The following CDH7 variants were observed in gnomAD, a reference collection of about 807,000 sequenced individuals.
CDH7 encodes the protein cadherin 7, also known as cadherin-7.
A neutral mutation model predicts 71.8 loss-of-function variants in CDH7; 25 were observed. The ratio of observed to expected loss-of-function variants is 0.35; its 90% confidence interval spans 0.25 to 0.49. The LOEUF is 0.49. CDH7 is among the 20% of genes least tolerant of loss of function. The pLI, the probability that CDH7 is intolerant of heterozygous loss-of-function variation, is 0.99. For missense variants in CDH7, 862 were observed against 974.6 expected, an observed-to-expected ratio of 0.88 and a Z score of 1.54; for synonymous variants, 381 against 363.8, an observed-to-expected ratio of 1.05 and a Z score of -0.54.
intron 6 of CDH7, among the ~76,000 whole-genome samples, chr18:65,828,241 AGAGTTGACTAAAAAT>A (rs1311323156): frequency 1.3e-5 from 2 of 152,084 alleles, no homozygotes; most frequent in African/African-American, 2.4e-5. Flanking sequence ...AATTTATGTA[AGAGTTGACTAAAAAT>A]AGTGGAAATG....
At chr18:65,774,337 A>C (rs1916635197) in intron 2 of CDH7, among the ~76,000 whole-genome samples, 1 of 152,094 alleles carries the variant, frequency 6.6e-6, no homozygotes, top group African/African-American at 2.4e-5. Flanking sequence ...TTTTATGCCA[A>C]AATGTCTCTC....
Position 65,883,650 on chromosome 18 carries a change from G to C in CDH7, c.*2756G>C, listed in dbSNP as rs1914294156. 1 of 151,996 alleles carries C rather than the reference G, an allele frequency of 6.6e-6. No homozygotes were observed. Among genetic ancestry groups the C allele is most frequent in the Non-Finnish European group, 1.5e-5 (1 of 67,958 alleles). The allele number at this position is 151,996 out of a possible 1,614,324, so 9.4% of individuals were successfully genotyped here. ...GGTAGGTTGATGTCAGCCTTGGTGG[G>C]ATTATTTAGACCACAACAGTAATCA... On this transcript the variant is annotated 3_prime_UTR_variant, in exon 12 of 12. Transcript: ENST00000397968.
In CDH7 at chr18:65,886,907, T is replaced by C. The variant is rs540262985; in HGVS notation, c.*6013T>C. On this transcript the variant is annotated 3_prime_UTR_variant, in exon 12 of 12. Coordinates refer to ENST00000397968, the MANE Select transcript of CDH7 (RefSeq NM_004361.5). ...AAAATAATATATAATGGATATTACT[T>C]TTTGTCAGTGATGCCAAGATGAATG... The C allele has an allele frequency of 6.6e-6, 1 of 152,236 alleles. No homozygotes were observed. Among genetic ancestry groups the C allele is most frequent in the Admixed American group, 6.5e-5 (1 of 15,292 alleles). The allele number at this position is 152,236 out of a possible 1,614,324, so 9.4% of individuals were successfully genotyped here. A position where few individuals can be genotyped will look rare whatever the true frequency, so the allele number is the denominator to read the frequency against.
At chr18:65,812,120 C>T (rs1911565691) in intron 3 of CDH7, among the ~76,000 whole-genome samples, 1 of 151,664 alleles carries the variant, frequency 6.6e-6, no homozygotes, top group Non-Finnish European at 1.5e-5. Flanking sequence ...AGGTGCGCAC[C>T]ACCACTCCCA....
intron 2 of CDH7, among the ~76,000 whole-genome samples, chr18:65,801,091 T>C (rs1004994763): frequency 5.3e-5 from 8 of 152,212 alleles, no homozygotes; most frequent in Non-Finnish European, 4.4e-5. Context: ...CATACCCCAC[T>C]GTAAGCTCAT....
chr18:65,867,160 C>T (rs980741125), intron 11 of CDH7, among the ~76,000 whole-genome samples: 6 of 151,760 alleles, frequency 4.0e-5, no homozygotes, highest in Non-Finnish European at 8.8e-5. Context: ...CTCAGCCTCC[C>T]GAGTAGCTGG....
In CDH7 at chr18:65,883,128, G is replaced by A. The variant is rs1914277287; in HGVS notation, c.*2234G>A. 1 of 151,900 alleles carries A rather than the reference G, an allele frequency of 6.6e-6. No homozygotes were observed. Among genetic ancestry groups the A allele is most frequent in the Admixed American group, 6.6e-5 (1 of 15,266 alleles). The allele number at this position is 151,900 out of a possible 1,614,324, so 9.4% of individuals were successfully genotyped here. A position where few individuals can be genotyped will look rare whatever the true frequency, so the allele number is the denominator to read the frequency against. On this transcript the variant is annotated 3_prime_UTR_variant, in exon 12 of 12. Coordinates refer to ENST00000397968, the MANE Select transcript of CDH7 (RefSeq NM_004361.5). ...ATAGATTGGAAAAAGAAAGGTTCAT[G>A]TTTAAATAATAATTTAAAATTATTG...
Position 65,844,115 on chromosome 18 carries a change from T to C in CDH7, c.1235+50T>C. 5 of 1,554,038 alleles carry C rather than the reference T, an allele frequency of 3.2e-6. No homozygotes were observed. In the Admixed American group the frequency reaches 5.2e-5, roughly 16 times the overall value. ...CTATGGTTTTACAAACAATGCATTC[T>C]TGTTCACAACTCTTATTTTACGCTC... On this transcript the variant is annotated intron_variant, in intron 7 of 11. Coordinates refer to ENST00000397968, the MANE Select transcript of CDH7 (RefSeq NM_004361.5).
intron 7 of CDH7, among the ~76,000 whole-genome samples, chr18:65,848,920 T>A (rs1160238068): frequency 6.6e-6 from 1 of 152,194 alleles, no homozygotes; most frequent in Non-Finnish European, 1.5e-5. Context: ...CTTTATGTGA[T>A]GGATTAGTGT....
chr18:65,863,060 C>T (rs572610303), intron 11 of CDH7, 143 bp downstream of exon 11: 45 of 902,244 alleles, frequency 5.0e-5, no homozygotes, highest in South Asian at 2.5e-4. Context: ...TTCTTTGAGA[C>T]GGGGTCTCAC....
At chr18:65,848,108 G>A (rs1335384710) in intron 7 of CDH7, among the ~76,000 whole-genome samples, 1 of 151,954 alleles carries the variant, frequency 6.6e-6, no homozygotes, top group Non-Finnish European at 1.5e-5. Context: ...TATTGAACTT[G>A]GAAGGACAGA....
chr18:65,861,881 T>TA (rs1286188357), intron 10 of CDH7, among the ~76,000 whole-genome samples: 1 of 86,998 alleles, frequency 1.1e-5, no homozygotes, highest in Non-Finnish European at 3.0e-5. Context: ...AGCTATTAAT[T>TA]TAAAAAATCT....
intron 11 of CDH7, among the ~76,000 whole-genome samples, chr18:65,873,488 C>G (rs1913985249): frequency 6.6e-6 from 1 of 152,122 alleles, no homozygotes; most frequent in Non-Finnish European, 1.5e-5. Flanking sequence ...TTCAAACACA[C>G]TATACAAAAC....
At chr18:65,773,249 A>G (rs1226654789) in intron 2 of CDH7, among the ~76,000 whole-genome samples, 1 of 152,200 alleles carries the variant, frequency 6.6e-6, no homozygotes, top group African/African-American at 2.4e-5. Flanking sequence ...GTCCTAAAAG[A>G]CACATAAATC....
chr18:65,824,295 A>C (rs1209473538), intron 5 of CDH7, among the ~76,000 whole-genome samples: 1 of 151,808 alleles, frequency 6.6e-6, no homozygotes, highest in Non-Finnish European at 1.5e-5. Flanking sequence ...TATTGTAATT[A>C]TGATATTGAA....
At chr18:65,772,680 G>C (rs2088293347) in intron 2 of CDH7, among the ~76,000 whole-genome samples, 1 of 152,078 alleles carries the variant, frequency 6.6e-6, no homozygotes, top group African/African-American at 2.4e-5. Flanking sequence ...CTGCACTATA[G>C]GACATAGACA....
chr18:65,796,878 T>C (rs1050634302), intron 2 of CDH7, among the ~76,000 whole-genome samples: 2 of 152,184 alleles, frequency 1.3e-5, no homozygotes, highest in African/African-American at 4.8e-5. Flanking sequence ...TGATACTCAT[T>C]TGGGCAGAAG....
intron 10 of CDH7, among the ~76,000 whole-genome samples, chr18:65,860,462 G>T (rs1383270090): frequency 1.3e-5 from 2 of 152,038 alleles, no homozygotes; most frequent in African/African-American, 2.4e-5. Flanking sequence ...CCTACAAGTA[G>T]ATTTTAGTTT....
chr18:65,814,378 T>G, intron 3 of CDH7, 107 bp from the exon 4 acceptor site: 1 of 1,291,466 alleles, frequency 7.7e-7, no homozygotes, highest in East Asian at 2.3e-5. Flanking sequence ...AAAAGATAAA[T>G]GAAAATTTTC....
Sources: allele counts gnomAD v4.1 joint callset (sites outside exome capture counted in the v4.1 genomes callset), GRCh38; gene constraint gnomAD v4.1.1; transcripts MANE v1.5; gene names NCBI Gene and HGNC (gene_info 2026-07-23, HGNC 2026-07-21).